The following PPFIA2 variants were observed in gnomAD, a reference collection of about 807,000 sequenced individuals.
The protein encoded by PPFIA2 is PPFI scaffold protein A2.
In PPFIA2, 46 loss-of-function variants were observed where a neutral mutation model predicts 175.5. The ratio of observed to expected loss-of-function variants is 0.26; its 90% CI spans 0.21 to 0.34. The LOEUF is 0.34. Ranked by LOEUF, PPFIA2 falls within the 10% of genes least tolerant of loss-of-function variation. The probability of loss-of-function intolerance (pLI) is 1.00; values close to 1 mark genes in which losing one functional copy is unlikely to be tolerated. For synonymous variants in PPFIA2, 568 were observed against 511.4 expected (o/e 1.11, Z -1.49); for missense variants, 1,179 against 1,506.1 (o/e 0.78, Z 3.60).
At chr12:81,468,344 A>T (rs1005180943) in intron 4 of PPFIA2, among the ~76,000 whole-genome samples, 1 of 152,210 alleles carries the variant, frequency 6.6e-6, no homozygotes, top group Non-Finnish European at 1.5e-5. Context: ...CGACATTCTA[A>T]GTACATTAGT....
chr12:81,312,022 A>T, intron 22 of PPFIA2: 1 of 756,732 alleles, frequency 1.3e-6, no homozygotes, highest in Non-Finnish European at 2.1e-6. Context: ...GTGGAAATAA[A>T]TATGCTTCAT....
chr12:81,435,720 G>T (rs2048860422), intron 7 of PPFIA2, among the ~76,000 whole-genome samples: 1 of 152,094 alleles, frequency 6.6e-6, no homozygotes, highest in African/African-American at 2.4e-5. Flanking sequence ...ATATGCGTAT[G>T]TATGAATATA....
At chr12:81,454,263 C>T (rs770799481) in intron 5 of PPFIA2, among the ~76,000 whole-genome samples, 22 of 152,014 alleles carry the variant, frequency 1.4e-4, no homozygotes, top group Non-Finnish European at 2.9e-4. Context: ...AAACTGTATT[C>T]TTCTTTGAAC....
chr12:81,474,821 T>A (rs1042110697), intron 4 of PPFIA2, among the ~76,000 whole-genome samples: 1 of 152,208 alleles, frequency 6.6e-6, no homozygotes, highest in Non-Finnish European at 1.5e-5. Context: ...ACTATAAGTT[T>A]GCTAATTTTG....
chr12:81,352,978 T>C (rs1401850085), intron 17 of PPFIA2, 141 bp downstream of exon 17: 2 of 661,902 alleles, frequency 3.0e-6, no homozygotes, highest in Non-Finnish European at 5.2e-6. Context: ...TCTGATTCAG[T>C]GTGTACGGGG....
At chr12:81,663,604 C>T (rs952930611) in intron 4 of PPFIA2, among the ~76,000 whole-genome samples, 2 of 152,140 alleles carry the variant, frequency 1.3e-5, no homozygotes, top group African/African-American at 4.8e-5. Context: ...ATGAAAATGG[C>T]CATACTGCCC....
At chr12:81,606,546 T>C (rs1240654741) in intron 4 of PPFIA2, among the ~76,000 whole-genome samples, 2 of 152,172 alleles carry the variant, frequency 1.3e-5, no homozygotes, top group Non-Finnish European at 2.9e-5. Context: ...ATTGTGGTTT[T>C]CATTTGCAAT....
At chr12:81,533,922 C>A (rs2065008220) in intron 4 of PPFIA2, among the ~76,000 whole-genome samples, 1 of 149,444 alleles carries the variant, frequency 6.7e-6, no homozygotes, top group African/African-American at 2.5e-5. Flanking sequence ...GTTTTTTTAC[C>A]AAAATAAAAA....
At chr12:81,512,340 T>C (rs1023069937) in intron 4 of PPFIA2, 3 of 1,288,692 alleles carry the variant, frequency 2.3e-6, no homozygotes, top group Admixed American at 4.6e-5. Context: ...CTATCTCTTA[T>C]GTACCTGCAG....
At chr12:81,523,029 T>G (rs1389540125) in intron 4 of PPFIA2, among the ~76,000 whole-genome samples, 1 of 152,202 alleles carries the variant, frequency 6.6e-6, no homozygotes, top group African/African-American at 2.4e-5. Context: ...CACTCATCTA[T>G]CAGAGGATTA....
In PPFIA2 at chr12:81,369,186, C is replaced by T. The variant is rs1378738354; in HGVS notation, c.1275G>A (p.Glu425=). 3 of 1,607,832 alleles carry T rather than the reference C, an allele frequency of 1.9e-6. No homozygotes were observed. The highest frequency in any genetic ancestry group is 3.4e-5 in the Admixed American group (2 of 59,544). ...QRIAALTKAE[E]RHGNIEERMR... ...TACGTTCTTCAATATTTCCATGTCT[C>T]TCTTCAGCCTGTTAAGAAATATGAA... Residue 425 remains glutamate, a synonymous_variant, in exon 12 of 33, where the codon GAG becomes GAA. Coordinates refer to ENST00000549396, the MANE Select transcript of PPFIA2 (RefSeq NM_003625.5).
intron 3 of PPFIA2, among the ~76,000 whole-genome samples, chr12:81,751,395 C>T (rs1291757361): frequency 6.9e-6 from 1 of 145,954 alleles, no homozygotes; most frequent in Non-Finnish European, 1.5e-5. Flanking sequence ...CTATACTTAT[C>T]ATGAGACTAT....
intron 4 of PPFIA2, chr12:81,512,267 G>A (rs760602492): frequency 7.9e-7 from 1 of 1,264,178 alleles, no homozygotes; most frequent in South Asian, 1.2e-5. Context: ...AACACCTCAT[G>A]CTGACACAAA....
At chr12:81,624,697 A>T (rs11114944) in intron 4 of PPFIA2, among the ~76,000 whole-genome samples, 1 of 149,744 alleles carries the variant, frequency 6.7e-6, no homozygotes, top group South Asian at 2.1e-4. Flanking sequence ...TGGAGCTGGA[A>T]GCCATTATTC....
At chr12:81,530,813 T>A (rs1015156395) in intron 4 of PPFIA2, among the ~76,000 whole-genome samples, 2 of 151,850 alleles carry the variant, frequency 1.3e-5, no homozygotes, top group African/African-American at 4.8e-5. Flanking sequence ...ATATTTGGAA[T>A]ATTATGTATT....
intron 6 of PPFIA2, among the ~76,000 whole-genome samples, chr12:81,444,271 T>C (rs2050812605): frequency 6.6e-6 from 1 of 152,206 alleles, no homozygotes; most frequent in Admixed American, 6.5e-5. Context: ...TTCATTGATA[T>C]GTGAATTCCT....
chr12:81,451,395 G>A (rs1246993369), intron 5 of PPFIA2, among the ~76,000 whole-genome samples: 1 of 152,088 alleles, frequency 6.6e-6, no homozygotes, highest in Admixed American at 6.6e-5. Flanking sequence ...ACCACCCTGG[G>A]AGTTAGCCTG....
At chr12:81,606,501 T>C (rs2060332207) in intron 4 of PPFIA2, among the ~76,000 whole-genome samples, 1 of 152,124 alleles carries the variant, frequency 6.6e-6, no homozygotes, top group Non-Finnish European at 1.5e-5. Flanking sequence ...GGCTTTGTAG[T>C]AATAGCGATT....
At chr12:81,657,306 A>G (rs1278695585) in intron 4 of PPFIA2, among the ~76,000 whole-genome samples, 2 of 152,240 alleles carry the variant, frequency 1.3e-5, no homozygotes, top group Non-Finnish European at 2.9e-5. Flanking sequence ...TACTAATGAC[A>G]GAACAGGGAT....
Sources: gnomAD v4.1 joint callset for allele counts (sites outside exome capture counted in the v4.1 genomes callset) on GRCh38, gnomAD v4.1.1 for gene constraint, MANE v1.5 for transcripts, NCBI Gene and HGNC (gene_info 2026-07-23, HGNC 2026-07-21) for gene names.